ANKRD36C: variants seen among roughly 807,000 people sequenced by gnomAD.
ANKRD36C encodes the protein ankyrin repeat domain 36C.
ANKRD36C carries 61 observed loss-of-function variants against 276.4 expected under a neutral mutation model. The ratio of observed to expected loss-of-function variants is 0.22; its 90% CI spans 0.18 to 0.27. The LOEUF (loss-of-function observed/expected upper bound fraction) is 0.27. Among genes scored for constraint, ANKRD36C ranks in the 10% least tolerant of loss-of-function variants. The pLI is 1.00. For synonymous variants in ANKRD36C, 483 were observed against 680.1 expected (o/e 0.71, Z 4.51); for missense variants, 1,447 against 2,032.3 (o/e 0.71, Z 5.54).
exon 63 of ANKRD36C, chr2:95,855,921 C>T (rs200905909): frequency 6.8e-6 from 11 of 1,613,484 alleles, no homozygotes; most frequent in Admixed American, 1.7e-5. Context: ...CAGTTTAGAA[C>T]GGAGCGTTGT....
intron 19 of ANKRD36C, among the ~76,000 whole-genome samples, chr2:95,944,252 T>G (rs994863577): frequency 6.6e-6 from 1 of 152,238 alleles, no homozygotes; most frequent in Non-Finnish European, 1.5e-5. Context: ...GTATTCTTAC[T>G]TCTTTCCCCT....
chr2:95,970,513 T>G (rs1461186748), intron 6 of ANKRD36C, among the ~76,000 whole-genome samples: 1 of 152,058 alleles, frequency 6.6e-6, no homozygotes, highest in Non-Finnish European at 1.5e-5. Flanking sequence ...AACCATAAAC[T>G]CACTGGAGCT....
At chr2:95,951,261 G>GT in intron 15 of ANKRD36C, 87 bp downstream of exon 15, 1 of 1,149,968 alleles carries the variant, frequency 8.7e-7, no homozygotes, top group African/African-American at 1.6e-5. Context: ...CTGCAGACTA[G>GT]TAAGACTGTG....
At chr2:95,968,278 TCTTATTTC>T (rs1558660274) in intron 6 of ANKRD36C, among the ~76,000 whole-genome samples, 4 of 152,224 alleles carry the variant, frequency 2.6e-5, no homozygotes, top group Non-Finnish European at 5.9e-5. Flanking sequence ...AATTAAGAAC[TCTTATTTC>T]CTTTCTTATG....
At chr2:95,873,881 A>G (rs558138259) in intron 59 of ANKRD36C, among the ~76,000 whole-genome samples, 24 of 152,372 alleles carry the variant, frequency 1.6e-4, no homozygotes, top group Non-Finnish European at 1.6e-4. Flanking sequence ...TTATACACCA[A>G]TAACAGACAA....
rs1490463249 is a variant in ANKRD36C at position 95,906,706 on chromosome 2, G to T, written c.2653+5538C>A. The stretch of plus-strand genomic sequence containing the variant: ...GAATCTTTCTCATCACTTGTAGCCT[G>T]AATGGAATTTGAAACAAAATAATAA... On this transcript the variant is annotated intron_variant, in intron 42 of 66. Coordinates refer to ENST00000456556, the Ensembl canonical transcript of ANKRD36C. The T allele has an allele frequency of 8.2e-6, 1 of 122,338 alleles. No individual in the cohort carries two copies. Among genetic ancestry groups the T allele is most frequent in the African/African-American group, 1.1e-4 (1 of 8,850 alleles). The allele number at this position is 122,338 out of a possible 1,614,324, so 7.6% of individuals were successfully genotyped here.
intron 34 of ANKRD36C, among the ~76,000 whole-genome samples, chr2:95,920,953 CAG>C (rs1316729302): frequency 2.7e-5 from 4 of 150,062 alleles, no homozygotes; most frequent in Non-Finnish European, 5.9e-5. Flanking sequence ...AGTAATGAGT[CAG>C]TGTGCTTTAT....
At chr2:95,967,115 T>C (rs1329236109) in intron 6 of ANKRD36C, among the ~76,000 whole-genome samples, 1 of 152,172 alleles carries the variant, frequency 6.6e-6, no homozygotes, top group Non-Finnish European at 1.5e-5. Flanking sequence ...GACAATTTGA[T>C]TTCCTTTCTT....
intron 12 of ANKRD36C, among the ~76,000 whole-genome samples, chr2:95,957,906 C>T (rs532713134): frequency 0.042 from 6,197 of 147,784 alleles, 257 homozygotes; most frequent in Non-Finnish European, 0.058. Context: ...AAAACTTATA[C>T]CTCTGATGCC....
intron 59 of ANKRD36C, among the ~76,000 whole-genome samples, chr2:95,875,378 T>A (rs554269189): frequency 2.0e-5 from 3 of 151,780 alleles, no homozygotes; most frequent in African/African-American, 7.3e-5. Context: ...ATGTCCTTTG[T>A]AGGGACATGG....
At chr2:95,894,381 T>A (rs1343827290) in intron 44 of ANKRD36C, 1 of 152,576 alleles carries the variant, frequency 6.6e-6, no homozygotes, top group Non-Finnish European at 1.5e-5. Context: ...CATCCACTCA[T>A]GGCACCAAAG....
intron 1 of ANKRD36C, among the ~76,000 whole-genome samples, chr2:95,987,605 C>CTT (rs35536038): frequency 0.015 from 1,344 of 87,484 alleles, 277 homozygotes; most frequent in African/African-American, 0.054. Context: ...CTTACAAAGA[C>CTT]TTTTTTTTTT....
At chr2:95,897,577 C>T (rs1394299458) in intron 44 of ANKRD36C, 112 bp from the exon 59 acceptor site, 5 of 1,349,902 alleles carry the variant, frequency 3.7e-6, no homozygotes, top group Non-Finnish European at 4.1e-6. Context: ...TTAGCGTAGG[C>T]TTTGATGGCT....
At chr2:95,926,264 A>G (rs1677400880) in intron 28 of ANKRD36C, among the ~76,000 whole-genome samples, 1 of 151,680 alleles carries the variant, frequency 6.6e-6, no homozygotes, top group Non-Finnish European at 1.5e-5. Context: ...CAAATTTGAC[A>G]TACTTATACA....
intron 44 of ANKRD36C, among the ~76,000 whole-genome samples, chr2:95,896,326 T>C (rs1358387051): frequency 6.7e-6 from 1 of 149,284 alleles, no homozygotes; most frequent in Non-Finnish European, 1.5e-5. Flanking sequence ...CAAAGTCAAA[T>C]GGCTACAAGC....
intron 50 of ANKRD36C, 84 bp downstream of exon 70, chr2:95,887,841 G>C: frequency 6.7e-7 from 1 of 1,487,894 alleles, no homozygotes; most frequent in Non-Finnish European, 9.1e-7. Context: ...CAGTTTTGAT[G>C]AGCCCCGCAC....
chr2:95,855,858 C>A, exon 63 of ANKRD36C: 1 of 1,613,812 alleles, frequency 6.2e-7, no homozygotes, highest in Non-Finnish European at 8.5e-7. Flanking sequence ...CAGTCTACAA[C>A]GGTATGATTG....
At chr2:95,915,229 T>G (rs983112250) in intron 38 of ANKRD36C, among the ~76,000 whole-genome samples, 13 of 151,722 alleles carry the variant, frequency 8.6e-5, no homozygotes, top group East Asian at 3.9e-4. Context: ...GGTAGCTCCT[T>G]GAACAAGTAA....
intron 24 of ANKRD36C, among the ~76,000 whole-genome samples, 186 bp from the exon 25 acceptor site, chr2:95,929,453 T>C (rs1364712745): frequency 6.6e-6 from 1 of 151,410 alleles, no homozygotes; most frequent in Non-Finnish European, 1.5e-5. Flanking sequence ...AAAATAGGAA[T>C]ACAGGCTTCA....
Sources: gnomAD v4.1 joint callset for allele counts (sites outside exome capture counted in the v4.1 genomes callset) on GRCh38, gnomAD v4.1.1 for gene constraint, MANE v1.5 for transcripts, NCBI Gene and HGNC (gene_info 2026-07-23, HGNC 2026-07-21) for gene names.